DMD: variants seen among roughly 807,000 people sequenced by gnomAD.
The protein encoded by DMD is dystrophin.
In DMD, 63 loss-of-function variants were observed where a neutral mutation model predicts 330.1. That is an observed-to-expected ratio of 0.19 (90% confidence interval 0.16 to 0.24). DMD has a LOEUF of 0.24. Among genes scored for constraint, DMD ranks in the 10% least tolerant of loss-of-function variants. The probability of loss-of-function intolerance (pLI) is 1.00; values close to 1 mark genes in which losing one functional copy is unlikely to be tolerated. For missense variants in DMD, 3,344 were observed against 2,684.1 expected, an observed-to-expected ratio of 1.25 and a Z score of -5.43; for synonymous variants, 1,223 against 959.8, an observed-to-expected ratio of 1.27 and a Z score of -5.07.
At chrX:31,998,360 T>C (rs749307775) in intron 44 of DMD, among the ~76,000 whole-genome samples, 22 of 111,868 alleles carry the variant, frequency 2.0e-4, no homozygotes, top group Non-Finnish European at 3.0e-4. Flanking sequence ...ATGGTAAGCA[T>C]TGTCAGTATG....
At chrX:33,256,700 GAACT>G (rs2052862068) in intron 1 of DMD, among the ~76,000 whole-genome samples, 1 of 109,354 alleles carries the variant, frequency 9.1e-6, no homozygotes. Flanking sequence ...TGTTTCACCT[GAACT>G]AACATGTAGT....
chrX:31,771,048 G>C (rs1208143679), intron 51 of DMD, among the ~76,000 whole-genome samples: 1 of 111,187 alleles, frequency 9.0e-6, no homozygotes, highest in African/African-American at 3.3e-5. Flanking sequence ...AGCCCTTTTG[G>C]AATTTTGCCT....
At chrX:31,996,293 G>A (rs969382680) in intron 44 of DMD, among the ~76,000 whole-genome samples, 7 of 111,994 alleles carry the variant, frequency 6.3e-5, no homozygotes, top group African/African-American at 2.3e-4. Flanking sequence ...GGTAATCATA[G>A]TGAATATGAG....
At chrX:32,411,153 GAT>G (rs2098140244) in intron 30 of DMD, among the ~76,000 whole-genome samples, 1 of 111,503 alleles carries the variant, frequency 9.0e-6, no homozygotes, top group South Asian at 3.7e-4. Context: ...CTTTTTATAA[GAT>G]AGAGTCTCGC....
intron 43 of DMD, among the ~76,000 whole-genome samples, chrX:32,228,998 G>T (rs762293659): frequency 9.0e-6 from 1 of 111,585 alleles, no homozygotes; most frequent in African/African-American, 3.2e-5. Context: ...AGAAAACTGA[G>T]ACTTTGGGAG....
intron 43 of DMD, among the ~76,000 whole-genome samples, chrX:32,225,913 T>C (rs1186159758): frequency 8.9e-6 from 1 of 111,805 alleles, no homozygotes; most frequent in African/African-American, 3.3e-5. Context: ...TATTTCTTTA[T>C]AGCAATGCAA....
intron 44 of DMD, among the ~76,000 whole-genome samples, chrX:32,204,192 T>TAA (rs765016339): frequency 9.0e-6 from 1 of 111,256 alleles, no homozygotes. Context: ...TGATGAACAG[T>TAA]AAAAAAAATA....
intron 64 of DMD, among the ~76,000 whole-genome samples, chrX:31,214,803 G>T (rs1313850217): frequency 1.3e-4 from 14 of 110,433 alleles, no homozygotes; most frequent in Non-Finnish European, 2.1e-4. Flanking sequence ...TCACAAGTTG[G>T]GGACTGTCTG....
chrX:32,723,991 C>A (rs1264874706), intron 7 of DMD, among the ~76,000 whole-genome samples: 1 of 111,469 alleles, frequency 9.0e-6, no homozygotes, highest in Non-Finnish European at 1.9e-5. Flanking sequence ...GTGAGTTGGA[C>A]AAGGTTGCCT....
At chrX:32,715,885 A>G (rs757452721) in intron 7 of DMD, among the ~76,000 whole-genome samples, 2 of 111,977 alleles carry the variant, frequency 1.8e-5, no homozygotes, top group East Asian at 5.6e-4. Flanking sequence ...AGACACAGAA[A>G]GAAAAATATT....
At chrX:31,141,186 C>T (rs906596497) in intron 76 of DMD, among the ~76,000 whole-genome samples, 3 of 106,872 alleles carry the variant, frequency 2.8e-5, no homozygotes, top group African/African-American at 1.1e-4. Context: ...AGCGAGACTC[C>T]GTCTCACACA....
At chrX:32,943,003 G>A (rs2090535611) in intron 2 of DMD, among the ~76,000 whole-genome samples, 2 of 111,419 alleles carry the variant, frequency 1.8e-5, no homozygotes, top group South Asian at 7.5e-4. Flanking sequence ...ACAAATACAT[G>A]GGGTAGATAT....
At chrX:32,472,513 T>A (rs1420269864) in intron 21 of DMD, among the ~76,000 whole-genome samples, 1 of 111,773 alleles carries the variant, frequency 8.9e-6, no homozygotes, top group Non-Finnish European at 1.9e-5. Flanking sequence ...CATATTACAT[T>A]AAATTCACAA....
At chrX:32,967,702 T>A (rs138215257) in intron 2 of DMD, among the ~76,000 whole-genome samples, 4 of 111,801 alleles carry the variant, frequency 3.6e-5, no homozygotes, top group Non-Finnish European at 7.5e-5. Context: ...ATTTATCTTA[T>A]AGTGTAGACT....
intron 7 of DMD, among the ~76,000 whole-genome samples, chrX:32,705,515 T>C (rs1428811127): frequency 8.9e-6 from 1 of 111,884 alleles, no homozygotes; most frequent in Admixed American, 9.6e-5. Context: ...TTGTTACAAG[T>C]AGAAAACAGT....
intron 6 of DMD, among the ~76,000 whole-genome samples, chrX:32,815,001 C>T (rs2077618909): frequency 9.0e-6 from 1 of 111,379 alleles, no homozygotes; most frequent in Admixed American, 9.6e-5. Context: ...ATGTCTCTAT[C>T]CCTTCTCATC....
intron 7 of DMD, among the ~76,000 whole-genome samples, chrX:32,706,380 T>C (rs1451619400): frequency 1.0e-5 from 1 of 98,304 alleles, no homozygotes; most frequent in African/African-American, 4.7e-5. Flanking sequence ...ACTTAAAGTA[T>C]AATAATAAAA....
At chrX:32,891,085 CT>C (rs1352434542) in intron 2 of DMD, among the ~76,000 whole-genome samples, 1 of 112,295 alleles carries the variant, frequency 8.9e-6, no homozygotes, top group African/African-American at 3.2e-5. Flanking sequence ...TTTATTTTCA[CT>C]TTTTAAAGTG....
intron 60 of DMD, among the ~76,000 whole-genome samples, chrX:31,386,417 G>A (rs1054201023): frequency 8.9e-6 from 1 of 111,776 alleles, no homozygotes; most frequent in African/African-American, 3.2e-5. Context: ...ATGGGGGTTG[G>A]TTTTCCTATG....
Sources: gnomAD v4.1 joint callset for allele counts (sites outside exome capture counted in the v4.1 genomes callset) on GRCh38, gnomAD v4.1.1 for gene constraint, MANE v1.5 for transcripts, NCBI Gene and HGNC (gene_info 2026-07-23, HGNC 2026-07-21) for gene names.